Variants in ZMYND8 observed in about 807,000 individuals in gnomAD.
ZMYND8 encodes the protein zinc finger MYND-type containing 8.
In ZMYND8, 37 loss-of-function variants were observed where a neutral mutation model predicts 140.8. That is an observed-to-expected ratio of 0.26 (90% CI 0.20 to 0.35). The LOEUF (loss-of-function observed/expected upper bound fraction) is 0.35. ZMYND8 is among the 10% of genes least tolerant of loss of function. The pLI is 1.00. For synonymous variants in ZMYND8, 592 were observed against 597.1 expected, an observed-to-expected ratio of 0.99 and a Z score of 0.12; for missense variants, 1,068 against 1,570.0, an observed-to-expected ratio of 0.68 and a Z score of 5.40.
At chr20:47,351,750 A>G (rs541280620) in intron 1 of ZMYND8, 4 of 985,482 alleles carry the variant, frequency 4.1e-6, no homozygotes, top group Admixed American at 6.1e-5. Context: ...CTATTTATGC[A>G]GGATTCTTAA....
At chr20:47,323,642 A>T (rs1248642961) in intron 2 of ZMYND8, among the ~76,000 whole-genome samples, 3 of 152,196 alleles carry the variant, frequency 2.0e-5, no homozygotes, top group Admixed American at 6.5e-5. Context: ...CAGGAGCTCA[A>T]GGAAGCCAGG....
At chr20:47,213,445 C>T (rs1256999589) in intron 21 of ZMYND8, among the ~76,000 whole-genome samples, 1 of 152,222 alleles carries the variant, frequency 6.6e-6, no homozygotes, top group African/African-American at 2.4e-5. Context: ...CTATGTGACT[C>T]TGCCATGAAT....
intron 11 of ZMYND8, among the ~76,000 whole-genome samples, chr20:47,268,328 C>G (rs2075688649): frequency 7.4e-6 from 1 of 134,762 alleles, no homozygotes; most frequent in Non-Finnish European, 1.5e-5. Flanking sequence ...GAGTCTCGCT[C>G]TGTCACCCAG....
rs556660324 is a variant in ZMYND8 at position 47,327,191 on chromosome 20, T to C, written c.86-16987A>G. Among the ~76,000 whole-genome samples the C allele has an allele frequency of 5.4e-4, 82 of 152,128 alleles. 1 individual carries two copies. Among genetic ancestry groups the C allele is most frequent in the Non-Finnish European group, 9.6e-4 (65 of 67,972 alleles). On this transcript the variant is annotated intron_variant, in intron 2 of 22. Transcript: ENST00000471951. Reference sequence around the variant, plus strand: ...ACCACCACGCCTGGCTAATTTTGTATTTTTAGTAGAGATGGGGTTTCACCA... The same window carrying C: ...ACCACCACGCCTGGCTAATTTTGTACTTTTAGTAGAGATGGGGTTTCACCA...
At position 47,322,820 on chromosome 20, in the gene ZMYND8, G is replaced by A. The variant is rs16992499; in HGVS notation, c.86-12616C>T. 4.6e-3 allele frequency among the ~76,000 whole-genome samples: 703 copies of A among 152,324 alleles called. 10 individuals carry two copies. The highest frequency in any genetic ancestry group is 0.016 in the African/African-American group (675 of 41,576). On this transcript the variant is annotated intron_variant, in intron 2 of 22. Coordinates refer to ENST00000471951, the MANE Select transcript of ZMYND8 (RefSeq NM_001281775.3). ...CACGCCCCACCTCCATCACGGTTGA[G>A]TTCCACTCTAAAGCCCTTCACTGTA...
At chr20:47,238,611 C>T in intron 15 of ZMYND8, 147 bp downstream of exon 15, 1 of 1,386,534 alleles carries the variant, frequency 7.2e-7, no homozygotes, top group Non-Finnish European at 9.7e-7. Flanking sequence ...AAAATAATGC[C>T]AAATGGAATG....
chr20:47,244,330 T>C (rs2040292283), intron 14 of ZMYND8, among the ~76,000 whole-genome samples: 1 of 152,244 alleles, frequency 6.6e-6, no homozygotes, highest in East Asian at 1.9e-4. Context: ...TAATTTGTCC[T>C]GGGGCAATGT....
At chr20:47,253,723 C>A (rs2074373677) in intron 12 of ZMYND8, among the ~76,000 whole-genome samples, 1 of 152,174 alleles carries the variant, frequency 6.6e-6, no homozygotes, top group Non-Finnish European at 1.5e-5. Flanking sequence ...TAAAAAGAGA[C>A]CTAGACCTCA....
intron 13 of ZMYND8, among the ~76,000 whole-genome samples, chr20:47,246,970 C>A (rs964697137): frequency 1.3e-5 from 2 of 152,054 alleles, no homozygotes; most frequent in African/African-American, 4.8e-5. Context: ...GTTCCTGGCT[C>A]CCCACCAACA....
Position 47,342,002 on chromosome 20 carries a change from CA to C in ZMYND8, c.85+5853del, listed in dbSNP as rs59232015. On this transcript the variant is annotated intron_variant, in intron 2 of 22. Transcript: ENST00000471951. The stretch of plus-strand genomic sequence containing the variant: ...TGGGTGACAGGGCGTGACTCCGTCT[CA>C]AAAAAAAAAAATACAAAACTTAGCC... 5.7e-3 allele frequency among the ~76,000 whole-genome samples: 802 copies of C among 141,628 alleles called. 5 individuals are homozygous for C. The highest frequency in any genetic ancestry group is 0.017 in the African/African-American group (645 of 38,900). The allele number at this position is 141,628 out of a possible 152,430, so 92.9% of individuals were successfully genotyped here.
At chr20:47,270,106 G>A (rs748679634) in intron 11 of ZMYND8, among the ~76,000 whole-genome samples, 11 of 151,774 alleles carry the variant, frequency 7.2e-5, no homozygotes, top group Non-Finnish European at 1.2e-4. Flanking sequence ...GTGTGGTGGC[G>A]CACACTTGTA....
chr20:47,345,323 G>A lies in ZMYND8; in HGVS notation c.85+2533C>T, dbSNP rs183383043. Among the ~76,000 whole-genome samples the A allele has an allele frequency of 1.5e-3, 233 of 152,118 alleles. 2 individuals carry two copies. Among genetic ancestry groups the A allele is most frequent in the Admixed American group, 0.012 (185 of 15,276 alleles). ...GCCCCAAGGAAGGAACCAAGAGGAA[G>A]GAGGCCAAGGAGCTCAAGTGAAGTT... On this transcript the variant is annotated intron_variant, in intron 2 of 22. Coordinates refer to ENST00000471951, the MANE Select transcript of ZMYND8 (RefSeq NM_001281775.3).
intron 2 of ZMYND8, chr20:47,318,840 TG>T: frequency 1.3e-6 from 1 of 768,566 alleles, no homozygotes; most frequent in Non-Finnish European, 2.0e-6. Flanking sequence ...AATGAGGCTG[TG>T]GAATGAAAGG....
chr20:47,325,180 C>G (rs921061791), intron 2 of ZMYND8, among the ~76,000 whole-genome samples: 1 of 152,206 alleles, frequency 6.6e-6, no homozygotes, highest in Non-Finnish European at 1.5e-5. Flanking sequence ...ACTGCAATTA[C>G]AAGCGTGAGC....
At chr20:47,260,857 A>G (rs1418253431) in intron 12 of ZMYND8, among the ~76,000 whole-genome samples, 1 of 152,250 alleles carries the variant, frequency 6.6e-6, no homozygotes, top group African/African-American at 2.4e-5. Context: ...TTCCATGCCT[A>G]GAATAGTGCA....
chr20:47,268,457 C>T (rs1165936841), intron 11 of ZMYND8, among the ~76,000 whole-genome samples: 4 of 151,704 alleles, frequency 2.6e-5, no homozygotes, highest in South Asian at 4.2e-4. Flanking sequence ...CCATGCCGGG[C>T]TAATTTTTTG....
Position 47,282,953 on chromosome 20 carries a change from G to A in ZMYND8, c.882+618C>T, listed in dbSNP as rs147752668. Among the ~76,000 whole-genome samples, 431 of 152,122 alleles carry A rather than the reference G, an allele frequency of 2.8e-3. 1 individual carries two copies. Among genetic ancestry groups the A allele is most frequent in the African/African-American group, 9.6e-3 (400 of 41,482 alleles). ...TCTTTATTGAAGGCTTAGCTATTCCGGTGTTAATCTCCAAAAGCACGAAGA... is the reference window on the plus strand; with the variant it reads ...TCTTTATTGAAGGCTTAGCTATTCCAGTGTTAATCTCCAAAAGCACGAAGA... On this transcript the variant is annotated intron_variant, in intron 9 of 22. Transcript: ENST00000471951.
chr20:47,232,508 G>A (rs2038640155), intron 16 of ZMYND8, among the ~76,000 whole-genome samples: 1 of 151,998 alleles, frequency 6.6e-6, no homozygotes, highest in Non-Finnish European at 1.5e-5. Context: ...TGGGCACCAG[G>A]GTTAGACCCC....
At chr20:47,247,444 C>CT (rs2040706200) in intron 13 of ZMYND8, among the ~76,000 whole-genome samples, 1 of 152,222 alleles carries the variant, frequency 6.6e-6, no homozygotes, top group Non-Finnish European at 1.5e-5. Context: ...AAGTCACATA[C>CT]TTCTGTCTCT....
Sources: gnomAD v4.1 joint callset for allele counts (sites outside exome capture counted in the v4.1 genomes callset) on GRCh38, gnomAD v4.1.1 for gene constraint, MANE v1.5 for transcripts, NCBI Gene and HGNC (gene_info 2026-07-23, HGNC 2026-07-21) for gene names.